PDE4A: variants seen among roughly 807,000 people sequenced by gnomAD.
The protein encoded by PDE4A is phosphodiesterase 4A.
PDE4A carries 21 observed loss-of-function variants against 73.9 expected under a neutral mutation model. That is an observed-to-expected ratio of 0.28 (90% CI 0.20 to 0.41). The LOEUF (loss-of-function observed/expected upper bound fraction) is 0.41. Among genes scored for constraint, PDE4A ranks in the 10% least tolerant of loss-of-function variants. The pLI is 1.00. For synonymous variants in PDE4A, 463 were observed against 505.4 expected (o/e 0.92, Z 1.13); for missense variants, 958 against 1,211.4 (o/e 0.79, Z 3.10).
rs2043435731 is a variant in PDE4A at position 10,469,198 on chromosome 19, G to A, written c.*1577G>A. Reference sequence around the variant, plus strand: ...TTTTTCTTTTCTTTCTTTCTTTTTTGTACATACTGTAAGGTTGGTTTGTAA... The same window carrying A: ...TTTTTCTTTTCTTTCTTTCTTTTTTATACATACTGTAAGGTTGGTTTGTAA... On this transcript the variant is annotated 3_prime_UTR_variant, in exon 15 of 15. Coordinates refer to ENST00000380702, the MANE Select transcript of PDE4A (RefSeq NM_001111307.2). The A allele has an allele frequency of 6.7e-6, 1 of 150,304 alleles. No individual in the cohort carries two copies. Among genetic ancestry groups the A allele is most frequent in the Admixed American group, 6.6e-5 (1 of 15,090 alleles). The allele number at this position is 150,304 out of a possible 1,614,324, so 9.3% of individuals were successfully genotyped here.
chr19:10,448,572 G>A (rs553306770), intron 2 of PDE4A, among the ~76,000 whole-genome samples: 1 of 151,098 alleles, frequency 6.6e-6, no homozygotes, highest in Admixed American at 6.6e-5. Context: ...GGAGGCGGAG[G>A]TTGCAGTGAG....
At chr19:10,444,741 G>A (rs1447200593) in intron 1 of PDE4A, among the ~76,000 whole-genome samples, 1 of 151,120 alleles carries the variant, frequency 6.6e-6, no homozygotes, top group African/African-American at 2.4e-5. Flanking sequence ...CAAGATCTTG[G>A]CCCTCACTGC....
At chr19:10,439,260 C>G (rs1207487712) in intron 1 of PDE4A, among the ~76,000 whole-genome samples, 1 of 151,944 alleles carries the variant, frequency 6.6e-6, no homozygotes, top group Non-Finnish European at 1.5e-5. Context: ...CGGTTCACTG[C>G]AACCTCCGTC....
intron 2 of PDE4A, among the ~76,000 whole-genome samples, chr19:10,446,884 G>A (rs1199237754): frequency 2.0e-5 from 3 of 151,360 alleles, no homozygotes; most frequent in South Asian, 4.2e-4. Context: ...GTGAGCCACC[G>A]CGCCTGGCCT....
chr19:10,425,081 G>A (rs915575049), intron 1 of PDE4A, among the ~76,000 whole-genome samples: 6 of 152,094 alleles, frequency 3.9e-5, no homozygotes, highest in Middle Eastern at 3.4e-3. Flanking sequence ...AAAATTAGCC[G>A]GGTATGGTGG....
At chr19:10,457,326 G>A (rs959978801) in intron 7 of PDE4A, among the ~76,000 whole-genome samples, 4 of 151,712 alleles carry the variant, frequency 2.6e-5, no homozygotes, top group Non-Finnish European at 5.9e-5. Flanking sequence ...TGACTAGCTA[G>A]CTCCAGGTCA....
In PDE4A at chr19:10,425,024, G is replaced by A. The variant is rs1035539638; in HGVS notation, c.320+3940G>A. Among the ~76,000 whole-genome samples the A allele has an allele frequency of 1.1e-4, 16 of 152,278 alleles. No individual in the cohort carries two copies. In the South Asian group the frequency reaches 2.3e-3, roughly 22 times the overall value. ...ATCACGAATGAGGTCAGGAGTTCAA[G>A]ATCATCCTGGCCAACATGGTGAAAC... On this transcript the variant is annotated intron_variant, in intron 1 of 14. Coordinates refer to ENST00000380702, the MANE Select transcript of PDE4A (RefSeq NM_001111307.2).
rs144732973 is a variant in PDE4A at position 10,433,444 on chromosome 19, A to T, written c.320+12360A>T. ...TGCTGTACTCCCACCTGCACCAGAT[A>T]CACACAGGAACGCACCCCGTGCCCA... is the stretch of plus-strand genomic sequence containing the variant. On this transcript the variant is annotated intron_variant, in intron 1 of 14. Transcript: ENST00000380702. 6.2e-4 allele frequency among the ~76,000 whole-genome samples: 94 copies of T among 152,196 alleles called. 1 individual carries two copies. The highest frequency in any genetic ancestry group is 2.2e-3 in the African/African-American group (92 of 41,514).
At chr19:10,451,126 G>A (rs1442333223) in intron 6 of PDE4A, among the ~76,000 whole-genome samples, 185 bp downstream of exon 6, 1 of 152,178 alleles carries the variant, frequency 6.6e-6, no homozygotes, top group Non-Finnish European at 1.5e-5. Context: ...CTGGGCGGGG[G>A]CTGGTGGAGC....
At position 10,423,724 on chromosome 19, in the gene PDE4A, G is replaced by A. The variant is rs1450243072; in HGVS notation, c.320+2640G>A. ...TCAGGGACCTGGACTAAGGAGGGGG[G>A]ACCTGGGTGGATCCCATTTCTCCAG... On this transcript the variant is annotated intron_variant, in intron 1 of 14. Coordinates refer to ENST00000380702, the MANE Select transcript of PDE4A (RefSeq NM_001111307.2). Among the ~76,000 whole-genome samples the A allele has an allele frequency of 2.0e-5, 3 of 152,138 alleles. No homozygotes were observed. In the East Asian group the frequency reaches 5.8e-4, roughly 29 times the overall value.
rs1005708278 is a variant in PDE4A, at chr19:10,453,043, C to G, written c.784-1786C>G. The G allele has an allele frequency of 3.0e-6, 4 of 1,339,396 alleles. No homozygotes were observed. The highest frequency in any genetic ancestry group is 3.1e-5 in the East Asian group (1 of 32,516). The allele number at this position is 1,339,396 out of a possible 1,614,324, so 83.0% of individuals were successfully genotyped here. A position where few individuals can be genotyped will look rare whatever the true frequency, so the allele number is the denominator to read the frequency against. On this transcript the variant is annotated intron_variant, in intron 6 of 14. Coordinates refer to ENST00000380702, the MANE Select transcript of PDE4A (RefSeq NM_001111307.2). This position sits in a 1 kb window ranked among gnomAD's most constrained non-coding sequence, Gnocchi z 4.6. ...GCCTCCACCCACTGCCGCGGGGGGGCCCGTTGGGGCCCAGGGCTGGCGGGC... is the reference window on the plus strand; with the variant it reads ...GCCTCCACCCACTGCCGCGGGGGGGGCCGTTGGGGCCCAGGGCTGGCGGGC...
At chr19:10,447,837 G>T (rs2043032183) in intron 2 of PDE4A, among the ~76,000 whole-genome samples, 1 of 152,020 alleles carries the variant, frequency 6.6e-6, no homozygotes, top group Admixed American at 6.6e-5. Flanking sequence ...CCCTGAACCT[G>T]CTCAGCCTCT....
chr19:10,447,214 T>A (rs1599431040), intron 2 of PDE4A, among the ~76,000 whole-genome samples: 1 of 125,074 alleles, frequency 8.0e-6, no homozygotes, highest in Non-Finnish European at 1.6e-5. Context: ...TTCCTTTTTT[T>A]CTCTTTTTTT....
intron 13 of PDE4A, among the ~76,000 whole-genome samples, chr19:10,463,388 C>T (rs979641394): frequency 6.7e-6 from 1 of 148,254 alleles, no homozygotes; most frequent in African/African-American, 2.5e-5. Context: ...CCGCGCCCAG[C>T]CCCATTCTTT....
At chr19:10,438,009 ATGTTTCCCAGGCTGG>A (rs1829166936) in intron 1 of PDE4A, among the ~76,000 whole-genome samples, 1 of 151,186 alleles carries the variant, frequency 6.6e-6, no homozygotes, top group South Asian at 2.1e-4. Flanking sequence ...GGGCCTTGCC[ATGTTTCCCAGGCTGG>A]TGTTGAACTC....
At chr19:10,445,864 G>A (rs1483040300) in intron 1 of PDE4A, among the ~76,000 whole-genome samples, 3 of 112,716 alleles carry the variant, frequency 2.7e-5, no homozygotes, top group African/African-American at 1.0e-4. Context: ...TTGAGACATT[G>A]TCTTGCTCTG....
intron 12 of PDE4A, 89 bp downstream of exon 12, chr19:10,461,769 C>A: frequency 1.9e-6 from 3 of 1,585,806 alleles, no homozygotes; most frequent in Non-Finnish European, 2.6e-6. Context: ...CCAGAGGAAC[C>A]CTCAACCTGG....
At chr19:10,430,075 T>G (rs1025708094) in intron 1 of PDE4A, among the ~76,000 whole-genome samples, 1 of 151,606 alleles carries the variant, frequency 6.6e-6, no homozygotes, top group African/African-American at 2.4e-5. Flanking sequence ...CTATGCATGA[T>G]GGGATGATGA....
intron 14 of PDE4A, 65 bp from the exon 15 acceptor site, chr19:10,466,822 C>A: frequency 6.4e-7 from 1 of 1,555,440 alleles, no homozygotes; most frequent in South Asian, 1.2e-5. Flanking sequence ...TTCATTAGCT[C>A]CCATAATGTG....
Sources: gnomAD v4.1 joint callset for allele counts (sites outside exome capture counted in the v4.1 genomes callset) on GRCh38, gnomAD v4.1.1 for gene constraint, Gnocchi (gnomAD v3.1) non-coding constraint, MANE v1.5 for transcripts, NCBI Gene and HGNC (gene_info 2026-07-23, HGNC 2026-07-21) for gene names.